UBE2F: variants seen among roughly 807,000 people sequenced by gnomAD.
UBE2F encodes the protein ubiquitin conjugating enzyme E2 F (putative), also known as NEDD8-conjugating enzyme UBE2F.
Under a neutral mutation model 29.6 loss-of-function variants are expected in UBE2F, and 5 were observed. That is an observed-to-expected ratio of 0.17 (90% CI 0.09 to 0.36). The LOEUF is 0.36. Among genes scored for constraint, UBE2F ranks in the 10% least tolerant of loss-of-function variants. UBE2F has a pLI of 1.00. For synonymous variants in UBE2F, 66 were observed against 81.8 expected (o/e 0.81, Z 1.04); for missense variants, 141 against 228.5 (o/e 0.62, Z 2.47).
At position 238,040,582 on chromosome 2, in the gene UBE2F, C is replaced by T. The variant is rs572429632; in HGVS notation, c.508-706C>T. Among the ~76,000 whole-genome samples the T allele has an allele frequency of 5.9e-5, 9 of 152,268 alleles. No individual in the cohort carries two copies. The East Asian group carries it at 1.7e-3, about 29-fold the overall frequency. On this transcript the variant is annotated intron_variant, in intron 9 of 9. Transcript: ENST00000272930. The surrounding 1 kb of genome is among the most constrained non-coding windows in gnomAD (Gnocchi z 4.4). Reference sequence around the variant, plus strand: ...AGAGCTCCAAGTCATTCTTACGGCTCATACAGTCCCATGGGATTTTACTCC... The same window carrying T: ...AGAGCTCCAAGTCATTCTTACGGCTTATACAGTCCCATGGGATTTTACTCC...
Position 237,988,008 on chromosome 2 carries a change from C to A in UBE2F, c.148+16C>A. ...AATTTACCTTGTAAGTATAGCATCC[C>A]CAAACACTAAGTACTGTGAAATAAT... On this transcript the variant is annotated intron_variant, in intron 3 of 9. Transcript: ENST00000272930. The A allele has an allele frequency of 1.3e-6, 2 of 1,484,608 alleles. No individual in the cohort carries two copies. The highest frequency in any genetic ancestry group is 1.8e-6 in the Non-Finnish European group (2 of 1,107,046). 92.0% of individuals were successfully genotyped at this position (1,484,608 alleles called of 1,614,324 possible).
At chr2:238,036,159 T>G (rs1261322228) in intron 9 of UBE2F, among the ~76,000 whole-genome samples, 2 of 152,128 alleles carry the variant, frequency 1.3e-5, no homozygotes, top group African/African-American at 4.8e-5. Flanking sequence ...GTGTTTGTTT[T>G]TTTGTTTTTT....
chr2:238,027,015 C>T (rs2064448288), intron 6 of UBE2F, among the ~76,000 whole-genome samples: 1 of 152,238 alleles, frequency 6.6e-6, no homozygotes, highest in Non-Finnish European at 1.5e-5. Context: ...GGCTCACTTT[C>T]TGGGGGGCCA....
intron 5 of UBE2F, among the ~76,000 whole-genome samples, chr2:238,021,074 T>C (rs1335979642): frequency 6.6e-6 from 1 of 152,132 alleles, no homozygotes; most frequent in Admixed American, 6.6e-5. Context: ...GGTGCGTCGG[T>C]CAGGACTGGT....
At chr2:237,983,197 G>A (rs2063412022) in intron 2 of UBE2F, among the ~76,000 whole-genome samples, 1 of 152,206 alleles carries the variant, frequency 6.6e-6, no homozygotes, top group Non-Finnish European at 1.5e-5. Flanking sequence ...GGCTCCCAGG[G>A]TTGTATTTAG....
At chr2:238,039,429 T>G (rs1425727337) in intron 9 of UBE2F, among the ~76,000 whole-genome samples, 1 of 152,192 alleles carries the variant, frequency 6.6e-6, no homozygotes, top group East Asian at 1.9e-4. Flanking sequence ...CCATTATGAC[T>G]GGTGCACATC....
intron 8 of UBE2F, chr2:238,032,687 G>A (rs11684624): frequency 0.72 from 112,529 of 156,874 alleles, 41,519 homozygotes; most frequent in East Asian, 0.93. Flanking sequence ...ATCCTAGCAC[G>A]TTGGGAGACT....
intron 4 of UBE2F, among the ~76,000 whole-genome samples, chr2:238,014,668 A>G (rs1161969769): frequency 6.6e-6 from 1 of 152,220 alleles, no homozygotes; most frequent in Non-Finnish European, 1.5e-5. Context: ...AAGCAGCATC[A>G]TCCAAAAGCT....
chr2:237,987,115 A>G (rs1458710665), intron 2 of UBE2F, among the ~76,000 whole-genome samples: 2 of 152,178 alleles, frequency 1.3e-5, no homozygotes, highest in East Asian at 3.8e-4. Flanking sequence ...TTCTTCAAAT[A>G]TTTGAACAGA....
intron 8 of UBE2F, among the ~76,000 whole-genome samples, chr2:238,034,423 C>T (rs1016054020): frequency 6.6e-6 from 1 of 151,816 alleles, no homozygotes; most frequent in Non-Finnish European, 1.5e-5. Context: ...AGCGAAAATC[C>T]GTCTCAAAAA....
chr2:238,027,298 A>AT (rs1350432024), intron 6 of UBE2F, among the ~76,000 whole-genome samples: 4 of 152,278 alleles, frequency 2.6e-5, no homozygotes, highest in Non-Finnish European at 5.9e-5. Context: ...TCATTATAAA[A>AT]AAGACGGATA....
chr2:238,000,278 A>G (rs946746114), intron 4 of UBE2F, among the ~76,000 whole-genome samples: 5 of 151,952 alleles, frequency 3.3e-5, no homozygotes, highest in Admixed American at 2.6e-4. Context: ...TTTTTTCTCA[A>G]TTGTTTGCCC....
chr2:237,969,564 T>A (rs1383999312), intron 1 of UBE2F, among the ~76,000 whole-genome samples: 2 of 152,160 alleles, frequency 1.3e-5, no homozygotes, highest in African/African-American at 4.8e-5. Context: ...GGGCATCTGG[T>A]GCGTCCAGCT....
intron 2 of UBE2F, among the ~76,000 whole-genome samples, chr2:237,978,351 T>C (rs1398210987): frequency 6.6e-6 from 1 of 152,190 alleles, no homozygotes; most frequent in African/African-American, 2.4e-5. Context: ...GCAGTAGGGC[T>C]GAGCTTATAG....
intron 2 of UBE2F, 64 bp downstream of exon 2, chr2:237,973,289 C>T (rs773961793): frequency 6.4e-7 from 1 of 1,566,872 alleles, no homozygotes; most frequent in Admixed American, 1.7e-5. Flanking sequence ...ACTGGAGAGT[C>T]TTTGGGGATA....
rs186599712 is a variant in UBE2F, at chr2:238,023,612, A to C, written c.283-1730A>C. On this transcript the variant is annotated intron_variant, in intron 5 of 9. Transcript: ENST00000272930. The stretch of plus-strand genomic sequence containing the variant: ...ATTTGATTACAAAAATAAACTCCTC[A>C]GAAAGCATCATAAATAAAAGTTAAT... 9.3e-4 allele frequency among the ~76,000 whole-genome samples: 142 copies of C among 152,382 alleles called. No individual in the cohort carries two copies. In the Middle Eastern group the frequency reaches 0.014, roughly 15 times the overall value.
rs568398579 is a variant in UBE2F at position 237,983,004 on chromosome 2, T to G, written c.119-4959T>G. On this transcript the variant is annotated intron_variant, in intron 2 of 9. Coordinates refer to ENST00000272930, the MANE Select transcript of UBE2F (RefSeq NM_080678.3). ...TTTGTTAAGTAAATATATGTATATA[T>G]TTTATGTTTTTGTAGTGACAGAGTC... 5.9e-5 allele frequency among the ~76,000 whole-genome samples: 9 copies of G among 152,260 alleles called. No homozygotes were observed. The East Asian group carries it at 1.7e-3, about 29-fold the overall frequency.
chr2:237,988,447 CA>C (rs35634659), intron 3 of UBE2F, among the ~76,000 whole-genome samples: 123,009 of 144,502 alleles, frequency 0.85, 52,293 homozygotes, highest in East Asian at 0.97. Flanking sequence ...GACTCCATCT[CA>C]AAAAAAAAAA....
intron 2 of UBE2F, among the ~76,000 whole-genome samples, chr2:237,980,546 C>T (rs1450742784): frequency 4.6e-5 from 7 of 152,138 alleles, no homozygotes; most frequent in Non-Finnish European, 8.8e-5. Context: ...ACCTAATTAC[C>T]TCCAAATACC....
Sources: gnomAD v4.1 joint callset for allele counts (sites outside exome capture counted in the v4.1 genomes callset) on GRCh38, gnomAD v4.1.1 for gene constraint, Gnocchi (gnomAD v3.1) non-coding constraint, MANE v1.5 for transcripts, NCBI Gene and HGNC (gene_info 2026-07-23, HGNC 2026-07-21) for gene names.